ADCY9: variants seen among roughly 807,000 people sequenced by gnomAD.
ADCY9 encodes adenylate cyclase 9.
In ADCY9, 50 loss-of-function variants were observed where a neutral mutation model predicts 101.5. The ratio of observed to expected loss-of-function variants is 0.49; its 90% CI spans 0.39 to 0.62. The LOEUF (loss-of-function observed/expected upper bound fraction) is 0.62. Ranked by LOEUF, ADCY9 falls within the 20% of genes least tolerant of loss-of-function variation. The probability of loss-of-function intolerance (pLI) is 0.00; values close to 1 mark genes in which losing one functional copy is unlikely to be tolerated. For missense variants in ADCY9, 1,662 were observed against 1,800.4 expected, an observed-to-expected ratio of 0.92 and a Z score of 1.39; for synonymous variants, 905 against 769.3, an observed-to-expected ratio of 1.18 and a Z score of -2.92.
At chr16:3,999,438 G>A (rs12917711) in intron 3 of ADCY9, among the ~76,000 whole-genome samples, 59,722 of 151,782 alleles carry the variant, frequency 0.39, 12,209 homozygotes, top group East Asian at 0.47. Context: ...CCTGGGACCC[G>A]GACCACCGTC....
At chr16:4,007,015 G>C (rs2056371507) in intron 3 of ADCY9, among the ~76,000 whole-genome samples, 1 of 152,118 alleles carries the variant, frequency 6.6e-6, no homozygotes, top group Non-Finnish European at 1.5e-5. Context: ...TTATCAACTA[G>C]CTCTCCACCC....
intron 2 of ADCY9, among the ~76,000 whole-genome samples, chr16:4,111,273 G>GT (rs374389606): frequency 1.6e-3 from 232 of 147,512 alleles, no homozygotes; most frequent in African/African-American, 5.4e-3. Flanking sequence ...CAGTATTGGG[G>GT]TTTTTTTTGT....
intron 2 of ADCY9, among the ~76,000 whole-genome samples, chr16:4,033,936 G>T (rs565732877): frequency 6.6e-6 from 1 of 152,188 alleles, no homozygotes; most frequent in African/African-American, 2.4e-5. Flanking sequence ...TATTAGCACC[G>T]ATGCTGGCCT....
intron 10 of ADCY9, among the ~76,000 whole-genome samples, chr16:3,967,679 T>C (rs1036334961): frequency 2.7e-5 from 4 of 150,150 alleles, no homozygotes; most frequent in African/African-American, 9.8e-5. Flanking sequence ...AGGCTTGAAC[T>C]GTGCTTGGCC....
At chr16:3,967,111 G>A in intron 10 of ADCY9, 145 bp from the exon 11 acceptor site, 1 of 669,218 alleles carries the variant, frequency 1.5e-6, no homozygotes, top group Non-Finnish European at 2.6e-6. Context: ...GGTTTGGGCT[G>A]GCTGAAGGTA....
At position 4,114,794 on chromosome 16, in the gene ADCY9, A is replaced by C. The variant is rs780039488; in HGVS notation, c.649T>G (p.Cys217Gly). 1.2e-6 allele frequency: 2 copies of C among 1,613,340 alleles called. No homozygotes were observed. Among genetic ancestry groups the C allele is most frequent in the Admixed American group, 3.3e-5 (2 of 60,034 alleles). The change falls in exon 2 of 11, where the codon TGC (cysteine) becomes GGC (glycine). Residue 217 changes from cysteine (C) to glycine (G), a missense_variant. By Grantham distance (159) the Cys-to-Gly change is radical (BLOSUM62 -3). This residue lies in a region of ADCY9 where 422 missense variants were observed against 392.0 expected (regional missense o/e 1.08). Coordinates refer to ENST00000294016, the MANE Select transcript of ADCY9 (RefSeq NM_001116.4). The surrounding 1 kb of genome is among the most constrained non-coding windows in gnomAD (Gnocchi z 4.3). ...LTATARPTDT[C>G]LSQVGSFSMC... ...GAGAAGCTCCCCACTTGAGATAAGC[A>C]AGTATCTGTGGGCCGGGCTGTGGCC...
chr16:4,063,633 G>A (rs2056784638), intron 2 of ADCY9, among the ~76,000 whole-genome samples: 2 of 151,836 alleles, frequency 1.3e-5, no homozygotes, highest in East Asian at 1.9e-4. Flanking sequence ...AATCTCTTGA[G>A]CCTGGAAGGT....
At chr16:4,110,538 C>T (rs1292327985) in intron 2 of ADCY9, among the ~76,000 whole-genome samples, 1 of 151,970 alleles carries the variant, frequency 6.6e-6, no homozygotes. Flanking sequence ...TACAGGCGCA[C>T]ACCACCACAC....
At chr16:4,094,087 G>C (rs2056988879) in intron 2 of ADCY9, among the ~76,000 whole-genome samples, 1 of 152,190 alleles carries the variant, frequency 6.6e-6, no homozygotes, top group South Asian at 2.1e-4. Flanking sequence ...TCTTTCAGGA[G>C]CCAGAAAGAA....
intron 2 of ADCY9, among the ~76,000 whole-genome samples, chr16:4,010,328 C>A (rs2056395278): frequency 6.6e-6 from 1 of 152,194 alleles, no homozygotes; most frequent in Non-Finnish European, 1.5e-5. Flanking sequence ...AGAGGCTGAG[C>A]AGGGAGGCCT....
chr16:4,088,187 C>T lies in ADCY9; in HGVS notation c.1693+25563G>A, dbSNP rs138193958. On this transcript the variant is annotated intron_variant, in intron 2 of 10. Transcript: ENST00000294016. ...AAGTACATCATATTCCCCAAAGTAA[C>T]TTAATACACTGGCACCTGCTTTATA... 1.4e-3 allele frequency among the ~76,000 whole-genome samples: 208 copies of T among 152,184 alleles called. 2 individuals carry two copies. The highest frequency in any genetic ancestry group is 4.9e-3 in the African/African-American group (203 of 41,556).
chr16:4,073,519 C>G (rs1204774445), intron 2 of ADCY9, among the ~76,000 whole-genome samples: 2 of 152,140 alleles, frequency 1.3e-5, no homozygotes, highest in African/African-American at 4.8e-5. Context: ...CCTCAGCCTC[C>G]CAAGTAGCTG....
chr16:4,094,023 G>C (rs74005726), intron 2 of ADCY9, among the ~76,000 whole-genome samples: 1,924 of 152,220 alleles, frequency 0.013, 27 homozygotes, highest in African/African-American at 0.043. Context: ...TGGCAGAAGG[G>C]ACAAAGTTGA....
At chr16:4,085,253 T>C (rs1225605589) in intron 2 of ADCY9, among the ~76,000 whole-genome samples, 3 of 152,036 alleles carry the variant, frequency 2.0e-5, no homozygotes, top group Non-Finnish European at 2.9e-5. Flanking sequence ...TCCCAGCTAC[T>C]TGGGAAGCTG....
At chr16:3,967,348 CT>C (rs150666150) in intron 10 of ADCY9, among the ~76,000 whole-genome samples, 249 of 150,840 alleles carry the variant, frequency 1.7e-3, no homozygotes, top group African/African-American at 5.7e-3. Flanking sequence ...TTTTCTTTTT[CT>C]TTTTTTTTAG....
At chr16:4,113,337 C>T (rs1361093011) in intron 2 of ADCY9, among the ~76,000 whole-genome samples, 2 of 152,050 alleles carry the variant, frequency 1.3e-5, no homozygotes, top group Non-Finnish European at 2.9e-5. Flanking sequence ...CACGTTTTCG[C>T]AAAAAGGGCA....
chr16:3,983,132 A>T (rs1405448667), intron 7 of ADCY9, 100 bp downstream of exon 7: 8 of 1,118,930 alleles, frequency 7.1e-6, no homozygotes, highest in Non-Finnish European at 9.9e-6. Flanking sequence ...CAGCAGGGAC[A>T]GCTGGCTGGG....
chr16:4,099,950 G>C (rs992790658), intron 2 of ADCY9, among the ~76,000 whole-genome samples: 1 of 152,186 alleles, frequency 6.6e-6, no homozygotes, highest in Non-Finnish European at 1.5e-5. Flanking sequence ...GGGAGGCTGA[G>C]GTACGAGGAG....
In ADCY9 at chr16:3,977,494, A is replaced by G. The variant is rs768273214; in HGVS notation, c.2816T>C (p.Leu939Pro). 1.4e-5 allele frequency: 22 copies of G among 1,567,704 alleles called. No homozygotes were observed. The South Asian group carries it at 2.6e-4, about 18-fold the overall frequency. Residue 939 changes from leucine (L) to proline (P), a missense_variant, in exon 9 of 11, where the codon CTG becomes CCG. Around this residue, in one of 5 missense-constraint regions of ADCY9, gnomAD observed 624 missense variants for 639.1 expected, o/e 0.98. Coordinates refer to ENST00000294016, the MANE Select transcript of ADCY9 (RefSeq NM_001116.4). ...GCTGGCCGCGTACCTGTCTGGGCAC[A>G]GGGAGACGTAGAGCAGGAGCAGCGG... is the stretch of plus-strand genomic sequence containing the variant. Reference protein sequence around the residue: ...AGPLLLLYVSLCPDSSVLTSP... With the variant: ...AGPLLLLYVSPCPDSSVLTSP...
Sources: allele counts gnomAD v4.1 joint callset (sites outside exome capture counted in the v4.1 genomes callset), GRCh38; gene constraint gnomAD v4.1.1; regional missense constraint gnomAD v4.1.1; non-coding constraint Gnocchi (gnomAD v3.1); transcripts MANE v1.5; gene names NCBI Gene and HGNC (gene_info 2026-07-23, HGNC 2026-07-21).